The following PGGT1B variants were observed in gnomAD, a reference collection of about 807,000 sequenced individuals.
The protein encoded by PGGT1B is geranylgeranyl transferase type-1 subunit beta.
PGGT1B carries 30 observed loss-of-function variants against 46.1 expected under a neutral mutation model. That is an observed-to-expected ratio of 0.65 (90% CI 0.49 to 0.88). The LOEUF is 0.88. PGGT1B is among the 40% of genes least tolerant of loss of function. The pLI is 0.00. For missense variants in PGGT1B, 376 were observed against 455.9 expected, an observed-to-expected ratio of 0.82 and a Z score of 1.60; for synonymous variants, 170 against 160.0, an observed-to-expected ratio of 1.06 and a Z score of -0.47.
At position 115,237,857 on chromosome 5, in the gene PGGT1B, C is replaced by T. The variant is rs1304212197; in HGVS notation, c.479+1G>A. On this transcript the variant is annotated splice_donor_variant, in intron 4 of 8. Coordinates refer to ENST00000419445, the MANE Select transcript of PGGT1B (RefSeq NM_005023.4). LOFTEE classifies it high-confidence loss of function. ...AAAAAGTAACAAAGAATCACTCATACCTCCCATCTTCCAGCTGAAGGGCTC... is the reference window on the plus strand; with the variant it reads ...AAAAAGTAACAAAGAATCACTCATATCTCCCATCTTCCAGCTGAAGGGCTC... 1.3e-6 allele frequency: 2 copies of T among 1,599,756 alleles called. No individual in the cohort carries two copies. Among genetic ancestry groups the T allele is most frequent in the Admixed American group, 1.8e-5 (1 of 56,484 alleles).
At chr5:115,224,871 G>C (rs1009354656) in intron 6 of PGGT1B, among the ~76,000 whole-genome samples, 3 of 150,630 alleles carry the variant, frequency 2.0e-5, no homozygotes, top group South Asian at 4.2e-4. Flanking sequence ...TGTTAGAAGA[G>C]TGTTAAAGGC....
chr5:115,244,481 A>G (rs1747719931), intron 2 of PGGT1B, among the ~76,000 whole-genome samples: 1 of 109,960 alleles, frequency 9.1e-6, no homozygotes. Context: ...AAAAAAAAAA[A>G]AAAAAAAAAA....
intron 1 of PGGT1B, among the ~76,000 whole-genome samples, chr5:115,258,320 T>C (rs1338749039): frequency 6.6e-6 from 1 of 152,196 alleles, no homozygotes; most frequent in East Asian, 1.9e-4. Flanking sequence ...TCCCCTCTTT[T>C]CTAGCCCTAC....
chr5:115,234,921 GC>G (rs1353465488), intron 5 of PGGT1B, among the ~76,000 whole-genome samples: 1 of 151,956 alleles, frequency 6.6e-6, no homozygotes, highest in African/African-American at 2.4e-5. Context: ...TCCTATCTCT[GC>G]CCGAGAAAAG....
At chr5:115,250,642 A>T (rs1748053008) in intron 2 of PGGT1B, among the ~76,000 whole-genome samples, 1 of 152,198 alleles carries the variant, frequency 6.6e-6, no homozygotes, top group South Asian at 2.1e-4. Flanking sequence ...TCTAACTCCA[A>T]AAAATGTTTA....
intron 3 of PGGT1B, 65 bp from the exon 4 acceptor site, chr5:115,238,074 T>A: frequency 8.4e-7 from 1 of 1,188,574 alleles, no homozygotes; most frequent in Admixed American, 2.2e-5. Flanking sequence ...CATTAAGAAA[T>A]CTGACATAAG....
chr5:115,206,230 G>A lies in PGGT1B; in HGVS notation c.*6172C>T, dbSNP rs984459233. 12 of 151,856 alleles carry A rather than the reference G, an allele frequency of 7.9e-5. No homozygotes were observed. The highest frequency in any genetic ancestry group is 2.9e-4 in the African/African-American group (12 of 41,416). 9.4% of individuals were successfully genotyped at this position (151,856 alleles called of 1,614,324 possible). A position where few individuals can be genotyped will look rare whatever the true frequency, so the allele number is the denominator to read the frequency against. ...CTATTTCTATATCTCTATATACAGA[G>A]ATTAAAGGTCTGAAAGATGTATGCA... On this transcript the variant is annotated 3_prime_UTR_variant, in exon 9 of 9. Transcript: ENST00000419445.
chr5:115,241,708 C>A, intron 2 of PGGT1B, 102 bp from the exon 3 acceptor site: 1 of 782,136 alleles, frequency 1.3e-6, no homozygotes, highest in Non-Finnish European at 2.0e-6. Context: ...CTATTTTAGT[C>A]TCCATTTTCA....
At chr5:115,213,340 T>C (rs938359556) in intron 8 of PGGT1B, among the ~76,000 whole-genome samples, 6 of 152,224 alleles carry the variant, frequency 3.9e-5, no homozygotes, top group African/African-American at 1.4e-4. Flanking sequence ...TGGCCATTCC[T>C]GCCTAGGAGT....
At chr5:115,213,171 T>C (rs868734469) in intron 8 of PGGT1B, among the ~76,000 whole-genome samples, 6 of 152,222 alleles carry the variant, frequency 3.9e-5, no homozygotes, top group African/African-American at 1.4e-4. Flanking sequence ...ATGTCAGTCA[T>C]TGTAAAAATA....
At chr5:115,251,284 C>T (rs888844235) in intron 2 of PGGT1B, among the ~76,000 whole-genome samples, 15 of 152,186 alleles carry the variant, frequency 9.9e-5, no homozygotes, top group African/African-American at 3.6e-4. Context: ...TAATTTTTAG[C>T]CATTCTGTTG....
intron 1 of PGGT1B, 93 bp downstream of exon 1, chr5:115,262,619 C>G: frequency 7.0e-7 from 1 of 1,421,392 alleles, no homozygotes; most frequent in Non-Finnish European, 9.6e-7. Context: ...CGCGCAGCCC[C>G]CTTCCGGCGC....
In PGGT1B at chr5:115,253,192, G is replaced by C. The variant is rs1389169514; in HGVS notation, c.204C>G (p.Asn68Lys). The C allele has an allele frequency of 6.2e-7, 1 of 1,603,886 alleles. No individual in the cohort carries two copies. The highest frequency in any genetic ancestry group is 8.5e-7 in the Non-Finnish European group (1 of 1,175,250). ...LDMLDSLDVVNKDDIIEWIYS... is the reference protein window; with the variant it reads ...LDMLDSLDVVKKDDIIEWIYS... Reference sequence around the variant, plus strand: ...AAATCCACTCTATTATATCATCTTTGTTCACCACATCTAAGGAATCCAACA... The same window carrying C: ...AAATCCACTCTATTATATCATCTTTCTTCACCACATCTAAGGAATCCAACA... Residue 68 changes from asparagine (N) to lysine (K), a missense_variant, in exon 2 of 9, where the codon AAC becomes AAG. Asn to Lys is a moderately conservative substitution (Grantham distance 94). Coordinates refer to ENST00000419445, the MANE Select transcript of PGGT1B (RefSeq NM_005023.4).
Position 115,234,337 on chromosome 5 carries a change from C to T in PGGT1B, c.612+2053G>A, listed in dbSNP as rs118010693. On this transcript the variant is annotated intron_variant, in intron 5 of 8. Coordinates refer to ENST00000419445, the MANE Select transcript of PGGT1B (RefSeq NM_005023.4). ...ACTGAAAACTAACGAGAATAGTTAC[C>T]TACAGGGTGACAGGGAACAAGATGT... 2.8e-4 allele frequency among the ~76,000 whole-genome samples: 42 copies of T among 151,816 alleles called. 1 individual carries two copies. In the East Asian group the frequency reaches 8.1e-3, roughly 29 times the overall value.
At chr5:115,235,787 A>G (rs1757161946) in intron 5 of PGGT1B, among the ~76,000 whole-genome samples, 1 of 152,126 alleles carries the variant, frequency 6.6e-6, no homozygotes, top group Admixed American at 6.5e-5. Flanking sequence ...TCTTCTTAGG[A>G]ACTCACAGGC....
chr5:115,216,534 C>T (rs191588134), intron 8 of PGGT1B, among the ~76,000 whole-genome samples: 66 of 152,274 alleles, frequency 4.3e-4, no homozygotes, highest in African/African-American at 3.4e-4. Context: ...ATAATCCTAA[C>T]GGCTTTGGAT....
chr5:115,243,859 T>C (rs1757422568), intron 2 of PGGT1B, among the ~76,000 whole-genome samples: 2 of 152,074 alleles, frequency 1.3e-5, no homozygotes, highest in South Asian at 2.1e-4. Flanking sequence ...CCATTTCTCA[T>C]ATATGGGCCC....
At chr5:115,226,199 C>A (rs1000073613) in intron 6 of PGGT1B, among the ~76,000 whole-genome samples, 4 of 152,046 alleles carry the variant, frequency 2.6e-5, no homozygotes, top group African/African-American at 9.7e-5. Context: ...TATCTCTAAT[C>A]CAAAATTCTA....
At chr5:115,218,397 G>A (rs199930712) in intron 7 of PGGT1B, among the ~76,000 whole-genome samples, 6 of 139,576 alleles carry the variant, frequency 4.3e-5, no homozygotes, top group South Asian at 2.3e-4. Flanking sequence ...ATGTGTGTGT[G>A]TATATATATA....
Sources: gnomAD v4.1 joint callset for allele counts (sites outside exome capture counted in the v4.1 genomes callset) on GRCh38, gnomAD v4.1.1 for gene constraint, MANE v1.5 for transcripts, NCBI Gene and HGNC (gene_info 2026-07-23, HGNC 2026-07-21) for gene names.